The following LHX3 variants were observed in gnomAD, a reference collection of about 807,000 sequenced individuals.
The protein encoded by LHX3 is LIM/homeobox protein Lhx3.
LHX3 carries 21 observed loss-of-function variants against 32.4 expected under a neutral mutation model. That is an observed-to-expected ratio of 0.65 (90% CI 0.46 to 0.93). The LOEUF (loss-of-function observed/expected upper bound fraction) is 0.93. Ranked by LOEUF, LHX3 falls within the 40% of genes least tolerant of loss-of-function variation. LHX3 has a pLI of 0.00. For synonymous variants in LHX3, 258 were observed against 246.8 expected (o/e 1.05, Z -0.43); for missense variants, 626 against 560.0 (o/e 1.12, Z -1.19).
rs748322395 is a variant in LHX3, at chr9:136,197,659, G to A, written c.860C>T (p.Ser287Leu). 1.6e-4 allele frequency: 261 copies of A among 1,600,812 alleles called. No homozygotes were observed. Among genetic ancestry groups the A allele is most frequent in the Non-Finnish European group, 2.1e-4 (252 of 1,176,062 alleles). Residue 287 changes from serine to leucine, a missense_variant, in exon 6 of 6, where the codon TCG becomes TTG. Ser to Leu is a moderately radical substitution (Grantham distance 145, BLOSUM62 -2). Transcript: ENST00000371748. ...CAGGGAGAAGTTGCCCAGGGCTCCC[G>A]AGGGCCGGCCCAAGGCCTGGGTGGG... The part of the protein sequence containing the change: ...GEPTQALGRP[S>L]GALGNFSLEH...
At position 136,198,743 on chromosome 9, in the gene LHX3, G is replaced by A. The variant is rs780784773; in HGVS notation, c.684C>T (p.Phe228=). The A allele has an allele frequency of 1.2e-6, 2 of 1,611,564 alleles. No individual in the cohort carries two copies. Among genetic ancestry groups the A allele is most frequent in the African/African-American group, 2.7e-5 (2 of 74,998 alleles). Residue 228 remains phenylalanine (F), a synonymous_variant, in exon 5 of 6, where the codon TTC becomes TTT. Transcript: ENST00000371748. ...CGCCGCGGGAGCGCTTCATGTTGCG[G>A]AAATACTGCCCCCAGCGCTGCCGGC... ...DAGRQRWGQY[F]RNMKRSRGGS...
chr9:136,202,931 G>C lies in LHX3; in HGVS notation c.79+2003C>G, dbSNP rs1466299925. ...CCTGGTCTCCCCGGTGCAGCCACTC[G>C]GCCCGGGCACCCACCTCGGCGCAGG... On this transcript the variant is annotated intron_variant, in intron 1 of 5. Transcript: ENST00000371748. 3.9e-6 allele frequency: 6 copies of C among 1,532,088 alleles called. No individual in the cohort carries two copies. In the East Asian group the frequency reaches 7.4e-5, roughly 19 times the overall value. 94.9% of individuals were successfully genotyped at this position (1,532,088 alleles called of 1,614,324 possible).
Position 136,197,117 on chromosome 9 carries a change from C to T in LHX3, c.*208G>A. ...AAAGGCTGGCTTGCTGGGAGGCCAC[C>T]TGGCGGGCCAGCCCTGTGTCAGAGG... On this transcript the variant is annotated 3_prime_UTR_variant, in exon 6 of 6. Coordinates refer to ENST00000371748, the MANE Select transcript of LHX3 (RefSeq NM_178138.6). The T allele has an allele frequency of 1.7e-6, 1 of 600,878 alleles. No individual in the cohort carries two copies. The highest frequency in any genetic ancestry group is 2.8e-5 in the East Asian group (1 of 35,924). 37.2% of individuals were successfully genotyped at this position (600,878 alleles called of 1,614,324 possible).
chr9:136,200,168 G>T, intron 2 of LHX3: 1 of 576,652 alleles, frequency 1.7e-6, no homozygotes, highest in Non-Finnish European at 3.1e-6. Context: ...TCTGGGGCCA[G>T]TCCCTCACAC....
At position 136,198,718 on chromosome 9, in the gene LHX3, C is replaced by T; in HGVS notation, c.709G>A (p.Gly237Ser). The T allele has an allele frequency of 1.2e-6, 2 of 1,611,478 alleles. No homozygotes were observed. Among genetic ancestry groups the T allele is most frequent in the Middle Eastern group, 1.7e-4 (1 of 6,052 alleles). Residue 237 changes from glycine to serine, a missense_variant, in exon 5 of 6, where the codon GGC becomes AGC. By Grantham distance (56) the Gly-to-Ser change is moderately conservative. Coordinates refer to ENST00000371748, the MANE Select transcript of LHX3 (RefSeq NM_178138.6). ...YFRNMKRSRG[G>S]SKSDKDSVQE... ...ACGCTGTCCTTGTCCGACTTGGAGC[C>T]GCCGCGGGAGCGCTTCATGTTGCGG...
In LHX3 at chr9:136,197,360, AGGCGG is replaced by A; in HGVS notation, c.1154_1158del (p.Pro385LeufsTer5). 6.2e-7 allele frequency: 1 copy of A among 1,612,204 alleles called. No individual in the cohort carries two copies. Among genetic ancestry groups the A allele is most frequent in the Non-Finnish European group, 8.5e-7 (1 of 1,179,902 alleles). ...GCGTGGTCTACCTCATCCAGCCAGG[AGGCGG>A]GGCTGGCAGGGAAGTCGGGGTAACC... On this transcript the variant is annotated frameshift_variant, in exon 6 of 6. Coordinates refer to ENST00000371748, the MANE Select transcript of LHX3 (RefSeq NM_178138.6). LOFTEE classifies it high-confidence loss of function.
At chr9:136,199,333 C>T (rs2131033819) in intron 3 of LHX3, among the ~76,000 whole-genome samples, 1 of 152,334 alleles carries the variant, frequency 6.6e-6, no homozygotes, top group Non-Finnish European at 1.5e-5. Context: ...GCGCCCCCGC[C>T]TTCAGCCTTG....
In LHX3 at chr9:136,197,507, C is replaced by A; in HGVS notation, c.1012G>T (p.Val338Leu). The change falls in exon 6 of 6, where the codon GTG becomes TTG. Residue 338 changes from valine to leucine, a missense_variant. Val to Leu is a conservative substitution (Grantham distance 32). Transcript: ENST00000371748. ...AGGCCCAAGCTGGTGTCTGGGTACACCAGGCTGGAGAGGAGGGGCTGGGGG... is the reference window on the plus strand; with the variant it reads ...AGGCCCAAGCTGGTGTCTGGGTACAACAGGCTGGAGAGGAGGGGCTGGGGG... ...PGPQPLLSSL[V>L]YPDTSLGLVP... 1 of 1,545,200 alleles carries A rather than the reference C, an allele frequency of 6.5e-7. No individual in the cohort carries two copies. The highest frequency in any genetic ancestry group is 8.7e-7 in the Non-Finnish European group (1 of 1,143,198).
At chr9:136,203,393 T>C (rs1224969640) in intron 1 of LHX3, among the ~76,000 whole-genome samples, 1 of 151,990 alleles carries the variant, frequency 6.6e-6, no homozygotes, top group African/African-American at 2.4e-5. Context: ...CCAGCGTTCG[T>C]CCCGGCCCCG....
intron 2 of LHX3, 162 bp from the exon 3 acceptor site, chr9:136,200,042 C>T (rs1483243820): frequency 5.4e-6 from 4 of 738,370 alleles, no homozygotes; most frequent in Non-Finnish European, 9.4e-6. Context: ...GGCAGAGCTG[C>T]CCACTCCCAC....
rs762627765 is a variant in LHX3 at position 136,197,336 on chromosome 9, C to A, written c.1183G>T (p.Ala395Ser). The change falls in exon 6 of 6, where the codon GCT becomes TCT. Residue 395 changes from alanine to serine, a missense_variant. Transcript: ENST00000371748. ...PASWLDEVDH[A>S]QF ...GAGCCGGGCCTGGGTCAGAACTGAG[C>A]GTGGTCTACCTCATCCAGCCAGGAG... The A allele has an allele frequency of 5.0e-6, 8 of 1,611,812 alleles. No homozygotes were observed. Among genetic ancestry groups the A allele is most frequent in the Admixed American group, 3.3e-5 (2 of 60,002 alleles).
intron 1 of LHX3, among the ~76,000 whole-genome samples, chr9:136,201,851 C>G (rs956635907): frequency 1.6e-4 from 24 of 152,302 alleles, no homozygotes; most frequent in Non-Finnish European, 3.4e-4. Context: ...TCGTGGGCAG[C>G]GATCGCAGGC....
At position 136,198,960 on chromosome 9, in the gene LHX3, T is replaced by TG; in HGVS notation, c.553dup (p.His185ProfsTer70). 1 of 1,589,068 alleles carries TG rather than the reference T, an allele frequency of 6.3e-7. No individual in the cohort carries two copies. Among genetic ancestry groups the TG allele is most frequent in the East Asian group, 2.3e-5 (1 of 43,588 alleles). On this transcript the variant is annotated frameshift_variant, in exon 4 of 6. Transcript: ENST00000371748. LOFTEE classifies it high-confidence loss of function. ...CTCGGACGAGAGCTGCTCGCGCACG[T>TG]GGCGCGCCGGCTTGGGCGAGGTGTT... is the stretch of plus-strand genomic sequence containing the variant.
Position 136,197,220 on chromosome 9 carries a change from TC to T in LHX3, c.*104del, listed in dbSNP as rs146678449. On this transcript the variant is annotated 3_prime_UTR_variant, in exon 6 of 6. Transcript: ENST00000371748. ...TGGGAGGCTCCGAAGGCACCAGCCC[TC>T]CCTTGACGCCCTGGCCCCACTTCCT... 187,437 of 1,261,096 alleles carry T rather than the reference TC, an allele frequency of 0.15. 14,894 individuals carry two copies. The highest frequency in any genetic ancestry group is 0.24 in the East Asian group (9,677 of 40,438). 78.1% of individuals were successfully genotyped at this position (1,261,096 alleles called of 1,614,324 possible).
At chr9:136,203,189 T>C in intron 1 of LHX3, 3 of 1,077,082 alleles carry the variant, frequency 2.8e-6, no homozygotes, top group Non-Finnish European at 3.4e-6. Context: ...CCGGAGCCTC[T>C]GGCCGAGCGG....
At position 136,199,829 on chromosome 9, in the gene LHX3, C is replaced by A. The variant is rs755449495; in HGVS notation, c.303G>T (p.Gln101His). Residue 101 changes from glutamine (Q) to histidine (H), a missense_variant, in exon 3 of 6, where the codon CAG becomes CAT. Gln to His is a conservative substitution (Grantham distance 24, BLOSUM62 0). Coordinates refer to ENST00000371748, the MANE Select transcript of LHX3 (RefSeq NM_178138.6). The part of the protein sequence containing the change: ...AACQLGIPPT[Q>H]VVRRAQDFVY... ...CGAAGTCCTGGGCGCGGCGCACCAC[C>A]TGCGTGGGCGGGATGCCCAGCTGGC... 6.2e-7 allele frequency: 1 copy of A among 1,609,852 alleles called. No homozygotes were observed. Among genetic ancestry groups the A allele is most frequent in the Non-Finnish European group, 8.5e-7 (1 of 1,178,472 alleles).
At chr9:136,203,307 G>A in intron 1 of LHX3, 1 of 250,356 alleles carries the variant, frequency 4.0e-6, no homozygotes, top group South Asian at 1.5e-4. Context: ...CGGGACCTGC[G>A]GTGCCCAGAG....
At position 136,198,623 on chromosome 9, in the gene LHX3, C is replaced by T. The variant is rs764641529; in HGVS notation, c.775+29G>A. On this transcript the variant is annotated intron_variant, in intron 5 of 5. Transcript: ENST00000371748. ...GACCCCGCCGACGCGCGCTCGTCCC[C>T]CCCCGAGCTCCGCGATCCCTCCGCC... 7 of 1,557,120 alleles carry T rather than the reference C, an allele frequency of 4.5e-6. No homozygotes were observed. The African/African-American group carries it at 8.2e-5, about 18-fold the overall frequency.
At position 136,198,710 on chromosome 9, in the gene LHX3, C is replaced by T. The variant is rs1188197938; in HGVS notation, c.717G>A (p.Lys239=). Residue 239 remains lysine, a synonymous_variant, in exon 5 of 6, where the codon AAG becomes AAA. Transcript: ENST00000371748. ...RNMKRSRGGS[K]SDKDSVQEGQ... ...CCTCCTGAACGCTGTCCTTGTCCGA[C>T]TTGGAGCCGCCGCGGGAGCGCTTCA... 1.2e-6 allele frequency: 2 copies of T among 1,611,360 alleles called. No individual in the cohort carries two copies. The highest frequency in any genetic ancestry group is 1.7e-6 in the Non-Finnish European group (2 of 1,179,758).
Sources: gnomAD v4.1 joint callset for allele counts (sites outside exome capture counted in the v4.1 genomes callset) on GRCh38, gnomAD v4.1.1 for gene constraint, MANE v1.5 for transcripts, NCBI Gene and HGNC (gene_info 2026-07-23, HGNC 2026-07-21) for gene names.